TJP3: variants seen among roughly 807,000 people sequenced by gnomAD.
TJP3 encodes the protein tight junction protein 3.
Under a neutral mutation model 104.2 loss-of-function variants are expected in TJP3, and 85 were observed. The ratio of observed to expected loss-of-function variants is 0.82; its 90% CI spans 0.68 to 0.98. The LOEUF is 0.98. TJP3 is among the 50% of genes least tolerant of loss of function. TJP3 has a pLI of 0.00. For missense variants in TJP3, 1,367 were observed against 1,322.8 expected (o/e 1.03, Z -0.52); for synonymous variants, 550 against 550.6 (o/e 1.00, Z 0.02).
chr19:3,744,130 A>G (rs1222165977), intron 15 of TJP3, 96 bp downstream of exon 15: 2 of 1,141,896 alleles, frequency 1.8e-6, no homozygotes, highest in African/African-American at 3.0e-5. Flanking sequence ...AATGATGGCA[A>G]ACATGAAGCA....
chr19:3,718,229 G>GTC (rs2036506241), intron 1 of TJP3, among the ~76,000 whole-genome samples: 5 of 114,230 alleles, frequency 4.4e-5, no homozygotes, highest in Admixed American at 3.8e-4. Flanking sequence ...GTGTGTGTGT[G>GTC]TGTGTGTGTG....
chr19:3,746,012 G>A lies in TJP3; in HGVS notation c.1941G>A (p.Glu647=). ...GCTGGTCCTCTCTGCCGTCCACAGA[G>A]ACTGTGTCCAGGACCGACAGCCCCT... ...AEMPDQFEIA[E]TVSRTDSPSK... is the part of the protein sequence containing the mutation. The change falls in exon 16 of 21, where the codon GAG becomes GAA. Residue 647 remains glutamate (E), a splice_region_variant and synonymous_variant. Transcript: ENST00000541714. The surrounding 1 kb of genome is among the most constrained non-coding windows in gnomAD (Gnocchi z 4.1). The A allele has an allele frequency of 6.2e-7, 1 of 1,604,486 alleles. No individual in the cohort carries two copies. Among genetic ancestry groups the A allele is most frequent in the Non-Finnish European group, 8.5e-7 (1 of 1,175,150 alleles).
rs535667198 is a variant in TJP3, at chr19:3,716,236, C to G, written c.-10+7675C>G. On this transcript the variant is annotated intron_variant, in intron 1 of 20. Transcript: ENST00000541714. Reference sequence around the variant, plus strand: ...TACAGGTGCCTGTCACTACGCCCAGCTAATTTCTGTATTTTGAGTAGAGAC... The same window carrying G: ...TACAGGTGCCTGTCACTACGCCCAGGTAATTTCTGTATTTTGAGTAGAGAC... Among the ~76,000 whole-genome samples, 2 of 148,040 alleles carry G rather than the reference C, an allele frequency of 1.4e-5. 1 individual carries two copies. The highest frequency in any genetic ancestry group is 3.0e-5 in the Non-Finnish European group (2 of 65,940).
chr19:3,738,048 T>C (rs1023788963), intron 11 of TJP3, among the ~76,000 whole-genome samples: 13 of 151,246 alleles, frequency 8.6e-5, no homozygotes, highest in African/African-American at 3.2e-4. Context: ...TGTGTCTGTA[T>C]ATTGCTGTCC....
Position 3,744,636 on chromosome 19 carries a change from C to A in TJP3, c.1939+602C>A, listed in dbSNP as rs185552943. On this transcript the variant is annotated intron_variant, in intron 15 of 20. Transcript: ENST00000541714. The stretch of plus-strand genomic sequence containing the variant: ...CCGAGGTCATGCCACTGCACTCCAG[C>A]CTGACGACGGAATGAGACTCTGTCA... 2.0e-5 allele frequency among the ~76,000 whole-genome samples: 3 copies of A among 150,546 alleles called. No individual in the cohort carries two copies. In the Admixed American group the frequency reaches 2.0e-4, roughly 10 times the overall value.
In TJP3 at chr19:3,744,346, C is replaced by G. The variant is rs774323778; in HGVS notation, c.1939+312C>G. 1.1e-3 allele frequency among the ~76,000 whole-genome samples: 169 copies of G among 152,148 alleles called. 4 individuals carry two copies. Among genetic ancestry groups the G allele is most frequent in the Non-Finnish European group, 2.6e-4 (18 of 68,036 alleles). On this transcript the variant is annotated intron_variant, in intron 15 of 20. Coordinates refer to ENST00000541714, the MANE Select transcript of TJP3 (RefSeq NM_001267560.2). ...GCAGTGAACACGACAGGCAAGGTCC[C>G]TTGGAGAAGACTCCAAATTAACAAC... is the stretch of plus-strand genomic sequence containing the variant.
chr19:3,734,539 C>CT, intron 8 of TJP3, 104 bp downstream of exon 8: 11 of 1,022,878 alleles, frequency 1.1e-5, no homozygotes, highest in Non-Finnish European at 1.4e-5. Flanking sequence ...ACCTTGAGGA[C>CT]GCAGTCCTGT....
intron 10 of TJP3, 33 bp downstream of exon 10, chr19:3,735,968 A>C (rs2036733801): frequency 6.2e-7 from 1 of 1,612,814 alleles, no homozygotes; most frequent in Non-Finnish European, 8.5e-7. Flanking sequence ...AACCCGCTCA[A>C]AACTCCTACA....
chr19:3,716,809 T>A, intron 1 of TJP3, among the ~76,000 whole-genome samples: 1 of 131,082 alleles, frequency 7.6e-6, no homozygotes, highest in African/African-American at 2.7e-5. Context: ...ATATTTTTTT[T>A]TTTTTTTTGA....
intron 1 of TJP3, among the ~76,000 whole-genome samples, chr19:3,709,926 G>T (rs1411958285): frequency 6.6e-6 from 1 of 152,046 alleles, no homozygotes; most frequent in Non-Finnish European, 1.5e-5. Flanking sequence ...GAGGCGAGTG[G>T]ATCACAAGGT....
intron 18 of TJP3, among the ~76,000 whole-genome samples, chr19:3,747,186 G>A (rs999131467): frequency 1.5e-4 from 23 of 150,240 alleles, no homozygotes; most frequent in African/African-American, 4.2e-4. Context: ...TCAGCCTCCC[G>A]AGTAGCTGGG....
Position 3,730,150 on chromosome 19 carries a change from C to A in TJP3, c.261+20C>A, listed in dbSNP as rs759457953. On this transcript the variant is annotated intron_variant, in intron 4 of 20. Coordinates refer to ENST00000541714, the MANE Select transcript of TJP3 (RefSeq NM_001267560.2). The surrounding 1 kb of genome is among the most constrained non-coding windows in gnomAD (Gnocchi z 7.3). Reference sequence around the variant, plus strand: ...AACATCGTGAGTAGGCAGCCCCTGGCATGGCCAGCATCTCTGACCCCAGCC... The same window carrying A: ...AACATCGTGAGTAGGCAGCCCCTGGAATGGCCAGCATCTCTGACCCCAGCC... 1 of 1,610,264 alleles carries A rather than the reference C, an allele frequency of 6.2e-7. No individual in the cohort carries two copies. The highest frequency in any genetic ancestry group is 1.7e-5 in the Admixed American group (1 of 60,030).
chr19:3,716,713 C>T (rs2036479944), intron 1 of TJP3, among the ~76,000 whole-genome samples: 1 of 145,042 alleles, frequency 6.9e-6, no homozygotes, highest in Non-Finnish European at 1.5e-5. Flanking sequence ...GCAGCCTCGA[C>T]CTCCTGGGCT....
chr19:3,728,742 G>T, intron 3 of TJP3, 29 bp downstream of exon 3: 1 of 1,608,756 alleles, frequency 6.2e-7, no homozygotes, highest in Non-Finnish European at 8.5e-7. Flanking sequence ...GGGTTCTGGC[G>T]GGGGAGGGCA....
chr19:3,736,459 T>C (rs2036741403), intron 11 of TJP3, 138 bp downstream of exon 11: 2 of 860,114 alleles, frequency 2.3e-6, no homozygotes, highest in Non-Finnish European at 3.2e-6. Flanking sequence ...AACATTTCAG[T>C]GTCTCCTTGG....
chr19:3,718,076 T>TG, intron 1 of TJP3, among the ~76,000 whole-genome samples: 1 of 151,052 alleles, frequency 6.6e-6, no homozygotes, highest in East Asian at 2.0e-4. Context: ...CAGCCGGGCA[T>TG]GTGCCTGTAG....
chr19:3,738,922 C>T lies in TJP3; in HGVS notation c.1419C>T (p.Arg473=), dbSNP rs1157036916. 4 of 1,608,724 alleles carry T rather than the reference C, an allele frequency of 2.5e-6. No homozygotes were observed. Among genetic ancestry groups the T allele is most frequent in the African/African-American group, 1.3e-5 (1 of 74,854 alleles). The change falls in exon 13 of 21, where the codon CGC becomes CGT. Residue 473 remains arginine (R), a synonymous_variant. Transcript: ENST00000541714. ...QDIFWKMVQS[R]VGDSFYIRTH... is the part of the protein sequence containing the mutation. ...TTTTCTGGAAAATGGTGCAGTCCCG[C>T]GTGGGTGACTCCTTCTACATCCGCA...
chr19:3,715,238 C>T (rs1348779545), intron 1 of TJP3, among the ~76,000 whole-genome samples: 3 of 151,812 alleles, frequency 2.0e-5, no homozygotes, highest in Admixed American at 1.3e-4. Context: ...TACAGGCGCC[C>T]GCCACCACAC....
chr19:3,747,313 A>G (rs1238492914), intron 18 of TJP3, among the ~76,000 whole-genome samples: 1 of 152,148 alleles, frequency 6.6e-6, no homozygotes, highest in Non-Finnish European at 1.5e-5. Flanking sequence ...CACCTGCCTC[A>G]GCTTCCCAAA....
Sources: gnomAD v4.1 joint callset for allele counts (sites outside exome capture counted in the v4.1 genomes callset) on GRCh38, gnomAD v4.1.1 for gene constraint, Gnocchi (gnomAD v3.1) non-coding constraint, MANE v1.5 for transcripts, NCBI Gene and HGNC (gene_info 2026-07-23, HGNC 2026-07-21) for gene names.